The following TNKS variants were observed in gnomAD, a reference collection of about 807,000 sequenced individuals.
The protein encoded by TNKS is poly [ADP-ribose] polymerase tankyrase-1.
A neutral mutation model predicts 135.8 loss-of-function variants in TNKS; 72 were observed. The ratio of observed to expected loss-of-function variants is 0.53; its 90% confidence interval spans 0.44 to 0.64. The LOEUF is 0.64. TNKS is among the 30% of genes least tolerant of loss of function. The pLI, the probability that TNKS is intolerant of heterozygous loss-of-function variation, is 0.00. For missense variants in TNKS, 1,769 were observed against 1,674.0 expected (o/e 1.06, Z -0.99); for synonymous variants, 849 against 649.3 (o/e 1.31, Z -4.68).
rs535513695 is a variant in TNKS, at chr8:9,573,742, C to G, written c.674-6417C>G. Among the ~76,000 whole-genome samples the G allele has an allele frequency of 2.0e-5, 3 of 152,180 alleles. No individual in the cohort carries two copies. The East Asian group carries it at 5.8e-4, about 29-fold the overall frequency. On this transcript the variant is annotated intron_variant, in intron 1 of 26. Coordinates refer to ENST00000310430, the MANE Select transcript of TNKS (RefSeq NM_003747.3). Reference sequence around the variant, plus strand: ...AGTGTAGGTTAAAAGATTAATAGTTCAAGTGATGTACAGTGGTTGTAGTTT... The same window carrying G: ...AGTGTAGGTTAAAAGATTAATAGTTGAAGTGATGTACAGTGGTTGTAGTTT...
chr8:9,611,604 C>G (rs1437375999), intron 2 of TNKS, among the ~76,000 whole-genome samples: 1 of 152,070 alleles, frequency 6.6e-6, no homozygotes, highest in African/African-American at 2.4e-5. Context: ...TTTGAAGCAT[C>G]CAGAATTGAG....
chr8:9,769,612 CTTTTTTT>C (rs1163803220), intron 25 of TNKS, among the ~76,000 whole-genome samples: 8 of 73,462 alleles, frequency 1.1e-4, no homozygotes, highest in Non-Finnish European at 1.7e-4. Flanking sequence ...CAGGCATTTT[CTTTTTTT>C]TTTTTTTTTT....
chr8:9,710,335 A>C, intron 11 of TNKS, 115 bp downstream of exon 11: 1 of 900,200 alleles, frequency 1.1e-6, no homozygotes, highest in Non-Finnish European at 1.8e-6. Context: ...AAGGACTATT[A>C]GTTCGTACTT....
intron 3 of TNKS, among the ~76,000 whole-genome samples, chr8:9,661,045 C>A (rs539663165): frequency 5.3e-5 from 8 of 151,576 alleles, no homozygotes; most frequent in African/African-American, 1.9e-4. Context: ...AGGACCTCTT[C>A]AAGGAGAACT....
intron 9 of TNKS, among the ~76,000 whole-genome samples, chr8:9,708,871 A>G (rs879945526): frequency 2.0e-5 from 3 of 152,076 alleles, no homozygotes; most frequent in African/African-American, 4.8e-5. Flanking sequence ...ATTTTTAGAT[A>G]TTTGCATTAT....
intron 2 of TNKS, among the ~76,000 whole-genome samples, chr8:9,587,397 A>ATTTT (rs71201955): frequency 3.5e-5 from 5 of 141,398 alleles, no homozygotes; most frequent in Non-Finnish European, 4.6e-5. Context: ...CGACACCTTG[A>ATTTT]TTTTTTTTTT....
intron 2 of TNKS, among the ~76,000 whole-genome samples, chr8:9,610,079 G>C (rs889299025): frequency 2.0e-5 from 3 of 152,072 alleles, no homozygotes; most frequent in Non-Finnish European, 4.4e-5. Context: ...GGGTGGTCTT[G>C]ATCTCCTGAC....
intron 20 of TNKS, among the ~76,000 whole-genome samples, chr8:9,756,607 C>T (rs1585423781): frequency 6.6e-6 from 1 of 152,002 alleles, no homozygotes; most frequent in East Asian, 1.9e-4. Context: ...ATATAAAATT[C>T]CTGAGTCTTG....
At chr8:9,607,544 C>A (rs986985968) in intron 2 of TNKS, among the ~76,000 whole-genome samples, 1 of 152,166 alleles carries the variant, frequency 6.6e-6, no homozygotes, top group African/African-American at 2.4e-5. Flanking sequence ...ACATCACAAT[C>A]CACTGGTCGT....
chr8:9,630,438 G>GTGGT (rs1800245219), intron 3 of TNKS, among the ~76,000 whole-genome samples: 2 of 152,154 alleles, frequency 1.3e-5, no homozygotes, highest in African/African-American at 4.8e-5. Flanking sequence ...GTCTTGTCTG[G>GTGGT]TGGTTGGTTT....
chr8:9,710,519 T>C (rs892841620), intron 11 of TNKS: 17 of 504,482 alleles, frequency 3.4e-5, no homozygotes, highest in Non-Finnish European at 5.9e-5. Flanking sequence ...TACGGATATA[T>C]TTTGATAGTG....
intron 3 of TNKS, chr8:9,671,109 T>C (rs1463523313): frequency 6.6e-6 from 1 of 152,160 alleles, no homozygotes; most frequent in Admixed American, 6.5e-5. Context: ...TTCTCAGTAG[T>C]TAACTTTTTC....
chr8:9,717,039 C>T (rs1345315613), intron 11 of TNKS, among the ~76,000 whole-genome samples: 1 of 124,352 alleles, frequency 8.0e-6, no homozygotes, highest in African/African-American at 2.9e-5. Context: ...ATTAGTACCC[C>T]TTGAAACCAC....
At chr8:9,720,608 A>G in intron 12 of TNKS, 63 bp downstream of exon 12, 2 of 1,499,874 alleles carry the variant, frequency 1.3e-6, no homozygotes, top group Non-Finnish European at 1.8e-6. Flanking sequence ...TGAAATACAC[A>G]GACAAACTTT....
At chr8:9,731,384 C>T (rs142765729) in intron 14 of TNKS, among the ~76,000 whole-genome samples, 8,650 of 143,686 alleles carry the variant, frequency 0.06, 316 homozygotes, top group South Asian at 0.18. Flanking sequence ...CACTTGAACC[C>T]GGGAGGTGGA....
chr8:9,622,093 G>C (rs147474471), intron 3 of TNKS, among the ~76,000 whole-genome samples: 2 of 152,114 alleles, frequency 1.3e-5, no homozygotes, highest in Non-Finnish European at 2.9e-5. Flanking sequence ...TATATTAAAC[G>C]TGGTTGAAAG....
intron 3 of TNKS, 30 bp from the exon 4 acceptor site, chr8:9,679,921 C>T (rs1202267618): frequency 3.1e-6 from 5 of 1,596,346 alleles, no homozygotes; most frequent in Non-Finnish European, 4.3e-6. Flanking sequence ...CTGCCAAATG[C>T]TAACAGCATG....
At chr8:9,735,274 A>T in intron 16 of TNKS, 103 bp from the exon 17 acceptor site, 1 of 1,210,724 alleles carries the variant, frequency 8.3e-7, no homozygotes, top group Non-Finnish European at 1.2e-6. Flanking sequence ...CTTTTGAAGC[A>T]AAAAGTATTA....
At chr8:9,699,404 C>T (rs1175279537) in intron 5 of TNKS, among the ~76,000 whole-genome samples, 2 of 152,010 alleles carry the variant, frequency 1.3e-5, no homozygotes, top group African/African-American at 4.8e-5. Context: ...TTCTTTTTTC[C>T]CAAAGTTTGA....
Sources: allele counts gnomAD v4.1 joint callset (sites outside exome capture counted in the v4.1 genomes callset), GRCh38; gene constraint gnomAD v4.1.1; transcripts MANE v1.5; gene names NCBI Gene and HGNC (gene_info 2026-07-23, HGNC 2026-07-21).